Variants in FKBP5 observed in about 807,000 individuals in gnomAD.
FKBP5 encodes the protein FKBP prolyl isomerase 5, also known as peptidyl-prolyl cis-trans isomerase FKBP5.
In FKBP5, 23 loss-of-function variants were observed where a neutral mutation model predicts 50.5. That is an observed-to-expected ratio of 0.46 (90% CI 0.33 to 0.65). The LOEUF (loss-of-function observed/expected upper bound fraction) is 0.65, where lower values mean the gene tolerates loss of function less well. Ranked by LOEUF, FKBP5 falls within the 30% of genes least tolerant of loss-of-function variation. The probability of loss-of-function intolerance (pLI) is 0.02; values close to 1 mark genes in which losing one functional copy is unlikely to be tolerated. For synonymous variants in FKBP5, 176 were observed against 190.6 expected (o/e 0.92, Z 0.63); for missense variants, 411 against 553.1 (o/e 0.74, Z 2.58).
intron 1 of FKBP5, among the ~76,000 whole-genome samples, chr6:35,657,652 T>C (rs1177904271): frequency 1.3e-5 from 2 of 152,118 alleles, no homozygotes; most frequent in African/African-American, 4.8e-5. Context: ...AGGTAACATA[T>C]TTACAAGTTC....
chr6:35,586,255 G>C, intron 8 of FKBP5: 1 of 985,090 alleles, frequency 1.0e-6, no homozygotes, highest in Non-Finnish European at 1.2e-6. Context: ...ATCTAAGTGA[G>C]AAAATATCAC....
chr6:35,714,297 C>CAA (rs1189714755), intron 2 of FKBP5, among the ~76,000 whole-genome samples: 2 of 136,734 alleles, frequency 1.5e-5, no homozygotes, highest in Non-Finnish European at 3.1e-5. Flanking sequence ...ACTAAAAATA[C>CAA]AAAAATTAGC....
At chr6:35,646,826 C>T (rs929723202) in intron 1 of FKBP5, among the ~76,000 whole-genome samples, 29 of 152,156 alleles carry the variant, frequency 1.9e-4, no homozygotes, top group African/African-American at 6.8e-4. Context: ...AGCATACACT[C>T]TCCAAAGTGC....
chr6:35,620,434 A>T (rs934287801), intron 3 of FKBP5, among the ~76,000 whole-genome samples, 160 bp from the exon 4 acceptor site: 3 of 151,806 alleles, frequency 2.0e-5, no homozygotes, highest in Admixed American at 1.3e-4. Flanking sequence ...TAAATAAATT[A>T]TTTTTTTTGA....
chr6:35,727,507 T>C (rs1162263845), intron 1 of FKBP5, among the ~76,000 whole-genome samples: 2 of 152,176 alleles, frequency 1.3e-5, no homozygotes, highest in Admixed American at 1.3e-4. Flanking sequence ...GTGCCAGGGA[T>C]TTCCCAAACC....
At chr6:35,725,916 G>C (rs1227010965) in intron 1 of FKBP5, among the ~76,000 whole-genome samples, 1 of 152,152 alleles carries the variant, frequency 6.6e-6, no homozygotes, top group Non-Finnish European at 1.5e-5. Context: ...ACAGCTCGGG[G>C]CACCGCAGGG....
At chr6:35,678,371 G>T (rs774045926) in intron 1 of FKBP5, among the ~76,000 whole-genome samples, 12 of 152,138 alleles carry the variant, frequency 7.9e-5, no homozygotes, top group Non-Finnish European at 1.8e-4. Context: ...GCCTAAAAAA[G>T]AGGTGGCAGT....
At chr6:35,632,627 T>G (rs916475971) in intron 3 of FKBP5, among the ~76,000 whole-genome samples, 2 of 152,104 alleles carry the variant, frequency 1.3e-5, no homozygotes, top group Non-Finnish European at 2.9e-5. Flanking sequence ...CGGTAGCTCA[T>G]GCCTGTAATC....
chr6:35,700,992 T>A (rs921121496), intron 2 of FKBP5, among the ~76,000 whole-genome samples: 1 of 151,902 alleles, frequency 6.6e-6, no homozygotes, highest in Admixed American at 6.6e-5. Context: ...AATAAAAAAA[T>A]TTAAAAATAG....
At chr6:35,664,622 A>T (rs1321734905) in intron 1 of FKBP5, 2 of 154,070 alleles carry the variant, frequency 1.3e-5, no homozygotes, top group African/African-American at 4.8e-5. Context: ...GCATTCTTTC[A>T]TCCCATCTCC....
At chr6:35,701,096 A>C (rs1208808329) in intron 2 of FKBP5, among the ~76,000 whole-genome samples, 1 of 152,220 alleles carries the variant, frequency 6.6e-6, no homozygotes, top group Admixed American at 6.5e-5. Flanking sequence ...TTTGCATATG[A>C]AAAAAGTATT....
chr6:35,599,768 G>A (rs1405913017), intron 5 of FKBP5, among the ~76,000 whole-genome samples: 1 of 152,180 alleles, frequency 6.6e-6, no homozygotes, highest in Non-Finnish European at 1.5e-5. Flanking sequence ...AATTCCTTCT[G>A]TTAGACTTAC....
intron 6 of FKBP5, among the ~76,000 whole-genome samples, chr6:35,594,196 T>C (rs1247877606): frequency 6.6e-6 from 1 of 151,688 alleles, no homozygotes; most frequent in Non-Finnish European, 1.5e-5. Context: ...TTCTACAAAA[T>C]GAAAAAAATC....
intron 8 of FKBP5, chr6:35,586,166 G>T: frequency 1.0e-6 from 1 of 984,944 alleles, no homozygotes; most frequent in African/African-American, 1.7e-5. Context: ...TATATTTGGG[G>T]TGGGGAAGCA....
intron 1 of FKBP5, among the ~76,000 whole-genome samples, chr6:35,685,801 G>T (rs1233044968): frequency 6.6e-6 from 1 of 151,928 alleles, no homozygotes; most frequent in African/African-American, 2.4e-5. Flanking sequence ...GGCCAACATG[G>T]CAAAACCCCG....
At chr6:35,649,876 T>A (rs1020460791) in intron 1 of FKBP5, among the ~76,000 whole-genome samples, 3 of 152,164 alleles carry the variant, frequency 2.0e-5, no homozygotes, top group African/African-American at 7.2e-5. Flanking sequence ...ATAAAAGTAT[T>A]TCAAAGTTTT....
intron 1 of FKBP5, among the ~76,000 whole-genome samples, chr6:35,666,135 A>G (rs1392319333): frequency 6.6e-6 from 1 of 152,150 alleles, no homozygotes; most frequent in Non-Finnish European, 1.5e-5. Flanking sequence ...TCAAGCTACT[A>G]TGACAAGGAT....
chr6:35,604,918 G>A (rs1281300713), intron 5 of FKBP5, among the ~76,000 whole-genome samples: 1 of 151,848 alleles, frequency 6.6e-6, no homozygotes, highest in East Asian at 1.9e-4. Flanking sequence ...CCAAGTAGCT[G>A]GGACTACAGG....
At chr6:35,713,802 C>T (rs542985924) in intron 2 of FKBP5, among the ~76,000 whole-genome samples, 6 of 152,294 alleles carry the variant, frequency 3.9e-5, no homozygotes, top group Admixed American at 2.0e-4. Flanking sequence ...ACCCTCACAT[C>T]CTCTCTCCCC....
Sources: allele counts gnomAD v4.1 joint callset (sites outside exome capture counted in the v4.1 genomes callset), GRCh38; gene constraint gnomAD v4.1.1; transcripts MANE v1.5; gene names NCBI Gene and HGNC (gene_info 2026-07-23, HGNC 2026-07-21).